Variants in DUS2 observed in about 807,000 individuals in gnomAD.
The protein encoded by DUS2 is tRNA-dihydrouridine(20) synthase [NAD(P)+]-like.
Under a neutral mutation model 71.3 loss-of-function variants are expected in DUS2, and 52 were observed. That is an observed-to-expected ratio of 0.73 (90% CI 0.58 to 0.92). The LOEUF (loss-of-function observed/expected upper bound fraction) is 0.92, where lower values mean the gene tolerates loss of function less well. Among genes scored for constraint, DUS2 ranks in the 40% least tolerant of loss-of-function variants. The pLI, the probability that DUS2 is intolerant of heterozygous loss-of-function variation, is 0.00. For synonymous variants in DUS2, 204 were observed against 227.8 expected (o/e 0.90, Z 0.94); for missense variants, 558 against 622.6 (o/e 0.90, Z 1.10).
intron 4 of DUS2, among the ~76,000 whole-genome samples, chr16:68,051,880 G>A (rs2151419357): frequency 6.6e-6 from 1 of 152,212 alleles, no homozygotes; most frequent in East Asian, 1.9e-4. Context: ...CAGCAGTATG[G>A]TTGGGACCAT....
chr16:68,070,364 C>T (rs906715745), intron 11 of DUS2, 144 bp downstream of exon 11: 3 of 689,990 alleles, frequency 4.3e-6, no homozygotes, highest in African/African-American at 1.8e-5. Flanking sequence ...AGACCTGTTC[C>T]TTCTGCTGCC....
intron 3 of DUS2, 24 bp from the exon 4 acceptor site, chr16:68,049,481 A>G: frequency 6.2e-7 from 1 of 1,613,868 alleles, no homozygotes; most frequent in Non-Finnish European, 8.5e-7. Flanking sequence ...CAGGAATGAC[A>G]AGCGTCCTCT....
At chr16:68,033,094 C>T (rs1397612118) in intron 2 of DUS2, among the ~76,000 whole-genome samples, 5 of 151,810 alleles carry the variant, frequency 3.3e-5, no homozygotes, top group Admixed American at 6.6e-5. Flanking sequence ...AAGGTATAAA[C>T]GGGGGAGTGG....
intron 7 of DUS2, among the ~76,000 whole-genome samples, chr16:68,060,206 A>G (rs1253542322): frequency 1.3e-5 from 2 of 152,212 alleles, no homozygotes; most frequent in African/African-American, 4.8e-5. Flanking sequence ...GTTTATTAAG[A>G]CACTGAGACC....
chr16:68,057,159 T>C (rs2033870689), intron 7 of DUS2, among the ~76,000 whole-genome samples: 1 of 141,268 alleles, frequency 7.1e-6, no homozygotes, highest in Non-Finnish European at 1.5e-5. Flanking sequence ...ATATAATATA[T>C]GTAGTATATA....
In DUS2 at chr16:68,038,117, C is replaced by T; in HGVS notation, c.94C>T (p.Leu32=). 1 of 1,613,916 alleles carries T rather than the reference C, an allele frequency of 6.2e-7. No individual in the cohort carries two copies. The highest frequency in any genetic ancestry group is 8.5e-7 in the Non-Finnish European group (1 of 1,179,932). Residue 32 remains leucine, a synonymous_variant, in exon 3 of 17, where the codon CTG becomes TTG. Transcript: ENST00000565263. ...VGTLPMRLLA[L]DYGADIVYCE... ...GACTCTTCCAATGAGGCTGCTGGCC[C>T]TGGATTATGGAGCGGACATTGTTTA... is the stretch of plus-strand genomic sequence containing the variant.
In DUS2 at chr16:68,066,369, G is replaced by T; in HGVS notation, c.470G>T (p.Arg157Leu). 3.1e-6 allele frequency: 5 copies of T among 1,614,050 alleles called. No individual in the cohort carries two copies. Among genetic ancestry groups the T allele is most frequent in the Non-Finnish European group, 3.4e-6 (4 of 1,179,948 alleles). The change falls in exon 9 of 17, where the codon CGC (arginine) becomes CTC (leucine). Residue 157 changes from arginine (R) to leucine (L), a missense_variant. Arg to Leu is a moderately radical substitution (Grantham distance 102, BLOSUM62 -2). Coordinates refer to ENST00000565263, the MANE Select transcript of DUS2 (RefSeq NM_017803.5). ...CGCAGACCTGTGACCTGCAAGATTC[G>T]CATCCTGCCATCGGTAAGGATGGTG... Reference protein sequence around the residue: ...GTRRPVTCKIRILPSLEDTLS... With the variant: ...GTRRPVTCKILILPSLEDTLS...
intron 13 of DUS2, among the ~76,000 whole-genome samples, 180 bp downstream of exon 13, chr16:68,074,335 C>T (rs542157272): frequency 1.3e-5 from 2 of 152,202 alleles, no homozygotes; most frequent in African/African-American, 2.4e-5. Context: ...TTTGAAACGT[C>T]CCATCCCTGG....
chr16:68,066,582 G>A lies in DUS2; in HGVS notation c.500G>A (p.Ser167Asn). The change falls in exon 10 of 17, where the codon AGC becomes AAC. Residue 167 changes from serine to asparagine, a missense_variant. Physicochemically the swap from Ser to Asn is conservative, Grantham distance 46. Coordinates refer to ENST00000565263, the MANE Select transcript of DUS2 (RefSeq NM_017803.5). ...RILPSLEDTLSLVKRIERTGI... is the reference protein window; with the variant it reads ...RILPSLEDTLNLVKRIERTGI... Reference sequence around the variant, plus strand: ...CCTCCTCAGCTAGAAGATACCCTGAGCCTTGTGAAGCGGATAGAGAGGACT... The same window carrying A: ...CCTCCTCAGCTAGAAGATACCCTGAACCTTGTGAAGCGGATAGAGAGGACT... The A allele has an allele frequency of 1.5e-5, 25 of 1,614,242 alleles. No individual in the cohort carries two copies. The highest frequency in any genetic ancestry group is 2.1e-5 in the Non-Finnish European group (25 of 1,180,040).
intron 2 of DUS2, among the ~76,000 whole-genome samples, chr16:68,028,428 G>A (rs2033388359): frequency 6.6e-6 from 1 of 152,064 alleles, no homozygotes; most frequent in South Asian, 2.1e-4. Flanking sequence ...GAAGTCAGGA[G>A]TTTGAGACCA....
intron 3 of DUS2, among the ~76,000 whole-genome samples, chr16:68,043,027 A>C (rs150685276): frequency 1.1e-3 from 165 of 152,198 alleles, no homozygotes; most frequent in Non-Finnish European, 2.2e-3. Flanking sequence ...TAATTTTAAA[A>C]TCTTTTGTAG....
chr16:68,038,861 C>T (rs1194693978), intron 3 of DUS2, among the ~76,000 whole-genome samples: 1 of 151,200 alleles, frequency 6.6e-6, no homozygotes, highest in East Asian at 1.9e-4. Flanking sequence ...CCAGCCTGGG[C>T]AATATAGTGA....
At chr16:68,071,145 A>C (rs1380254315) in intron 12 of DUS2, 37 bp downstream of exon 12, 8 of 1,607,814 alleles carry the variant, frequency 5.0e-6, no homozygotes, top group Non-Finnish European at 6.8e-6. Flanking sequence ...AGCATTTCTC[A>C]CTGTCTACCA....
intron 3 of DUS2, among the ~76,000 whole-genome samples, chr16:68,045,019 C>T (rs1408836483): frequency 6.6e-6 from 1 of 151,708 alleles, no homozygotes; most frequent in African/African-American, 2.4e-5. Flanking sequence ...TCTTGAACTC[C>T]TGACCTCAGG....
chr16:68,036,265 G>A (rs2033526041), intron 2 of DUS2, among the ~76,000 whole-genome samples: 1 of 151,602 alleles, frequency 6.6e-6, no homozygotes, highest in Non-Finnish European at 1.5e-5. Flanking sequence ...GGGTTCAAGA[G>A]ATTCTTTGCC....
chr16:68,076,220 C>T (rs937192905), intron 14 of DUS2, among the ~76,000 whole-genome samples: 8 of 152,096 alleles, frequency 5.3e-5, no homozygotes, highest in African/African-American at 9.7e-5. Flanking sequence ...ACTTGGCAGG[C>T]GGAATCAGGA....
chr16:68,045,910 G>T (rs974402103), intron 3 of DUS2, among the ~76,000 whole-genome samples: 1 of 151,900 alleles, frequency 6.6e-6, no homozygotes, highest in Non-Finnish European at 1.5e-5. Flanking sequence ...TAGTTACGGG[G>T]TTTCACCATG....
chr16:68,049,876 G>A (rs1298755930), intron 4 of DUS2, among the ~76,000 whole-genome samples: 1 of 152,192 alleles, frequency 6.6e-6, no homozygotes, highest in Non-Finnish European at 1.5e-5. Flanking sequence ...GTGTGACCTT[G>A]GGCAGGCCAT....
intron 15 of DUS2, among the ~76,000 whole-genome samples, chr16:68,077,027 C>G (rs1399434587): frequency 6.6e-6 from 1 of 151,912 alleles, no homozygotes; most frequent in Non-Finnish European, 1.5e-5. Context: ...GAGGCCGAGG[C>G]AGGTGGAACA....
Sources: allele counts gnomAD v4.1 joint callset (sites outside exome capture counted in the v4.1 genomes callset), GRCh38; gene constraint gnomAD v4.1.1; transcripts MANE v1.5; gene names NCBI Gene and HGNC (gene_info 2026-07-23, HGNC 2026-07-21).